GPRC5B: variants seen among roughly 807,000 people sequenced by gnomAD.
The protein encoded by GPRC5B is G protein-coupled receptor family C group 5 member B.
GPRC5B carries 16 observed loss-of-function variants against 30.1 expected under a neutral mutation model. That is an observed-to-expected ratio of 0.53 (90% CI 0.36 to 0.81). The LOEUF is 0.81. Among genes scored for constraint, GPRC5B ranks in the 30% least tolerant of loss-of-function variants. GPRC5B has a pLI of 0.01. For synonymous variants in GPRC5B, 241 were observed against 239.5 expected (o/e 1.01, Z -0.06); for missense variants, 428 against 544.7 (o/e 0.79, Z 2.13).
chr16:19,864,514 G>A (rs937022875), intron 2 of GPRC5B, among the ~76,000 whole-genome samples: 71 of 152,270 alleles, frequency 4.7e-4, no homozygotes, highest in African/African-American at 1.6e-3. Flanking sequence ...GTCTCACTCA[G>A]TGGAAGGATA....
intron 2 of GPRC5B, among the ~76,000 whole-genome samples, chr16:19,865,321 C>T (rs112111324): frequency 0.026 from 3,956 of 152,180 alleles, 149 homozygotes; most frequent in African/African-American, 0.09. Flanking sequence ...GGCTTCGATG[C>T]GTTTATCAAG....
chr16:19,860,000 A>G lies in GPRC5B; in HGVS notation c.*500T>C, dbSNP rs2056607442. On this transcript the variant is annotated 3_prime_UTR_variant, in exon 4 of 4. Transcript: ENST00000300571. ...CTCTCCTGACCCCCCTGAAATGTGC[A>G]AACCACCAGGCAAGCCGGTGGCAAA... 6.4e-6 allele frequency: 1 copy of G among 155,796 alleles called. No individual in the cohort carries two copies. The highest frequency in any genetic ancestry group is 1.4e-5 in the Non-Finnish European group (1 of 70,546). The allele number at this position is 155,796 out of a possible 1,614,324, so 9.7% of individuals were successfully genotyped here. A position where few individuals can be genotyped will look rare whatever the true frequency, so the allele number is the denominator to read the frequency against.
intron 1 of GPRC5B, among the ~76,000 whole-genome samples, chr16:19,878,901 T>C (rs1690402): frequency 0.47 from 70,810 of 151,990 alleles, 17,332 homozygotes; most frequent in African/African-American, 0.62. Flanking sequence ...TCTTTAGAAA[T>C]GCAGATTCTC....
intron 1 of GPRC5B, among the ~76,000 whole-genome samples, chr16:19,882,653 T>G (rs2056816404): frequency 6.6e-6 from 1 of 152,114 alleles, no homozygotes. Flanking sequence ...TATTTTCCAT[T>G]TCCTTGTCAA....
chr16:19,877,921 T>A (rs1406902844), intron 1 of GPRC5B, among the ~76,000 whole-genome samples: 1 of 152,148 alleles, frequency 6.6e-6, no homozygotes, highest in Non-Finnish European at 1.5e-5. Context: ...CTCCCTGGCC[T>A]GGCACAGTGG....
In GPRC5B at chr16:19,869,748, C is replaced by A. The variant is rs887782182; in HGVS notation, c.1030+2068G>T. Among the ~76,000 whole-genome samples, 5 of 152,102 alleles carry A rather than the reference C, an allele frequency of 3.3e-5. No homozygotes were observed. The East Asian group carries it at 7.7e-4, about 23-fold the overall frequency. ...CCTTGGAACTGATGATACTTATCCA[C>A]CCCAGTCACCAGAATTATAGGGGAT... On this transcript the variant is annotated intron_variant, in intron 2 of 3. Coordinates refer to ENST00000300571, the MANE Select transcript of GPRC5B (RefSeq NM_016235.3).
Position 19,858,264 on chromosome 16 carries a change from C to T in GPRC5B, c.*2236G>A. 1 of 399,228 alleles carries T rather than the reference C, an allele frequency of 2.5e-6. No individual in the cohort carries two copies. Among genetic ancestry groups the T allele is most frequent in the Non-Finnish European group, 4.4e-6 (1 of 226,374 alleles). 24.7% of individuals were successfully genotyped at this position (399,228 alleles called of 1,614,324 possible). A position where few individuals can be genotyped will look rare whatever the true frequency, so the allele number is the denominator to read the frequency against. ...ATTATGAAGGCGTTCAGCCCACTCT[C>T]AACCTTAAAAGCCAAAATAAAACAA... is the stretch of plus-strand genomic sequence containing the variant. On this transcript the variant is annotated 3_prime_UTR_variant, in exon 4 of 4. Transcript: ENST00000300571.
At chr16:19,877,715 C>T (rs964405314) in intron 1 of GPRC5B, among the ~76,000 whole-genome samples, 1 of 152,222 alleles carries the variant, frequency 6.6e-6, no homozygotes, top group African/African-American at 2.4e-5. Context: ...CTATTACTAT[C>T]TCCATTTTAC....
chr16:19,873,839 G>A (rs763612908), intron 1 of GPRC5B, among the ~76,000 whole-genome samples: 5 of 152,050 alleles, frequency 3.3e-5, no homozygotes, highest in East Asian at 1.9e-4. Flanking sequence ...GTGCAGTGGC[G>A]CAATCGGAGG....
rs767437317 is a variant in GPRC5B at position 19,872,315 on chromosome 16, A to G, written c.531T>C (p.Ala177=). 5 of 1,613,948 alleles carry G rather than the reference A, an allele frequency of 3.1e-6. No homozygotes were observed. Among genetic ancestry groups the G allele is most frequent in the African/African-American group, 2.7e-5 (2 of 74,916 alleles). The part of the protein sequence containing the change: ...LCLMLVQVII[A]VEWLVLTVLR... ...GCACGGTGAGCACCAGCCACTCCAC[A>G]GCGATGATGACTTGCACCAGCATCA... The change falls in exon 2 of 4, where the codon GCT becomes GCC. Residue 177 remains alanine (A), a synonymous_variant. Coordinates refer to ENST00000300571, the MANE Select transcript of GPRC5B (RefSeq NM_016235.3). The surrounding 1 kb of genome is among the most constrained non-coding windows in gnomAD (Gnocchi z 5.0).
intron 1 of GPRC5B, among the ~76,000 whole-genome samples, chr16:19,878,081 C>A (rs888515973): frequency 2.6e-5 from 4 of 151,942 alleles, no homozygotes; most frequent in Admixed American, 1.3e-4. Context: ...TGCCTGTGAT[C>A]CCAGCTACTT....
intron 2 of GPRC5B, among the ~76,000 whole-genome samples, chr16:19,864,716 G>A (rs2056652936): frequency 6.6e-6 from 1 of 152,224 alleles, no homozygotes; most frequent in South Asian, 2.1e-4. Context: ...TCAAGGATAA[G>A]GCCTCTGCCT....
chr16:19,885,373 G>A (rs2056842318), upstream of GPRC5B: 2 of 1,187,630 alleles, frequency 1.7e-6, no homozygotes, highest in Middle Eastern at 2.5e-4. The surrounding 1 kb of genome is among the most constrained non-coding windows in gnomAD (Gnocchi z 5.3). Flanking sequence ...CAACGCCCCG[G>A]TATACACCTA....
intron 1 of GPRC5B, among the ~76,000 whole-genome samples, chr16:19,882,911 C>T (rs9935689): frequency 0.016 from 2,492 of 152,278 alleles, 70 homozygotes; most frequent in African/African-American, 0.057. Flanking sequence ...TGCCTTCCTC[C>T]TGGTTCAGTC....
rs576722237 is a variant in GPRC5B, at chr16:19,865,533, A to G, written c.1031-3560T>C. ...GGCTTTATTATACATCATTTCACTT[A>G]AAGTCGCAGTTTACAAGAACCTGCT... On this transcript the variant is annotated intron_variant, in intron 2 of 3. Coordinates refer to ENST00000300571, the MANE Select transcript of GPRC5B (RefSeq NM_016235.3). 1.1e-4 allele frequency among the ~76,000 whole-genome samples: 17 copies of G among 152,350 alleles called. 1 individual carries two copies. In the East Asian group the frequency reaches 2.1e-3, roughly 19 times the overall value.
chr16:19,871,110 C>T (rs1360662462), intron 2 of GPRC5B, among the ~76,000 whole-genome samples: 4 of 150,926 alleles, frequency 2.7e-5, no homozygotes, highest in Non-Finnish European at 5.9e-5. Flanking sequence ...ATAATGAGAC[C>T]CTGTCTCTAA....
Position 19,858,700 on chromosome 16 carries a change from C to T in GPRC5B, c.*1800G>A. ...TTCCCTCCCACCCCTCCCCAGGACT[C>T]TTACGTTTTCTGTCCACGCAATGAC... On this transcript the variant is annotated 3_prime_UTR_variant, in exon 4 of 4. Transcript: ENST00000300571. The T allele has an allele frequency of 2.2e-6, 1 of 456,540 alleles. No individual in the cohort carries two copies. Among genetic ancestry groups the T allele is most frequent in the Non-Finnish European group, 3.9e-6 (1 of 258,622 alleles). 28.3% of individuals were successfully genotyped at this position (456,540 alleles called of 1,614,324 possible).
At chr16:19,861,807 C>T (rs1281411237) in intron 3 of GPRC5B, 30 bp downstream of exon 3, 1 of 1,604,962 alleles carries the variant, frequency 6.2e-7, no homozygotes, top group Admixed American at 1.7e-5. Context: ...TCCTAGGCTT[C>T]CTACCCCCAC....
rs192430985 is a variant in GPRC5B, at chr16:19,864,684, C to T, written c.1031-2711G>A. On this transcript the variant is annotated intron_variant, in intron 2 of 3. Coordinates refer to ENST00000300571, the MANE Select transcript of GPRC5B (RefSeq NM_016235.3). ...GCCAACCATAGCTCCTGGGCACCGGCGATTCTGTGAGACCCAAGGGCTCAA... is the reference window on the plus strand; with the variant it reads ...GCCAACCATAGCTCCTGGGCACCGGTGATTCTGTGAGACCCAAGGGCTCAA... Among the ~76,000 whole-genome samples, 29 of 152,346 alleles carry T rather than the reference C, an allele frequency of 1.9e-4. No individual in the cohort carries two copies. In the East Asian group the frequency reaches 3.5e-3, roughly 18 times the overall value.
Sources: allele counts gnomAD v4.1 joint callset (sites outside exome capture counted in the v4.1 genomes callset), GRCh38; gene constraint gnomAD v4.1.1; non-coding constraint Gnocchi (gnomAD v3.1); transcripts MANE v1.5; gene names NCBI Gene and HGNC (gene_info 2026-07-23, HGNC 2026-07-21).